Variants in ALDH3B2 observed in about 807,000 individuals in gnomAD.
ALDH3B2 encodes aldehyde dehydrogenase 3 family member B2, also known as aldehyde dehydrogenase family 3 member B2.
Under a neutral mutation model 36.7 loss-of-function variants are expected in ALDH3B2, and 45 were observed. That is an observed-to-expected ratio of 1.23 (90% confidence interval 0.97 to 1.57). The LOEUF (loss-of-function observed/expected upper bound fraction) is 1.57, where lower values mean the gene tolerates loss of function less well. Ranked by LOEUF, ALDH3B2 falls within the 40% of genes most tolerant of loss-of-function variation. The pLI is 0.00. For missense variants in ALDH3B2, 464 were observed against 513.3 expected, an observed-to-expected ratio of 0.90 and a Z score of 0.93; for synonymous variants, 217 against 226.5, an observed-to-expected ratio of 0.96 and a Z score of 0.38.
intron 1 of ALDH3B2, chr11:67,673,649 G>A (rs1252194577): frequency 6.6e-6 from 1 of 152,278 alleles, no homozygotes; most frequent in Non-Finnish European, 1.5e-5. Flanking sequence ...CCTGGTGCAG[G>A]GCCCAGAAAG....
At chr11:67,663,835 C>T (rs889808829) in intron 8 of ALDH3B2, 74 bp from the exon 9 acceptor site, 32 of 1,323,234 alleles carry the variant, frequency 2.4e-5, no homozygotes, top group South Asian at 1.8e-4. Flanking sequence ...CATTCCACAG[C>T]GGAGGTGAGC....
Position 67,666,102 on chromosome 11 carries a change from C to A in ALDH3B2, c.319+20G>T. ...ATGATCCCCTCCACCTACTCTGGGA[C>A]CCTGGCCTGGCCCCCTCACCTGTGA... On this transcript the variant is annotated intron_variant, in intron 6 of 9. Transcript: ENST00000349015. 1.2e-6 allele frequency: 2 copies of A among 1,613,242 alleles called. No individual in the cohort carries two copies. Among genetic ancestry groups the A allele is most frequent in the African/African-American group, 1.3e-5 (1 of 75,012 alleles).
rs762432233 is a variant in ALDH3B2, at chr11:67,665,439, C to T, written c.552G>A (p.Gln184=). 2.4e-5 allele frequency: 38 copies of T among 1,613,950 alleles called. No individual in the cohort carries two copies. The Admixed American group carries it at 5.3e-4, about 23-fold the overall frequency. ...CGCCATAGAAACGGGTGATGGTGCT[C>T]TGCAGGGCGGGCAGCAGCCTCTCCT... Residue 184 remains glutamine (Q), a synonymous_variant, in exon 7 of 10, where the codon CAG becomes CAA. Coordinates refer to ENST00000349015, the Ensembl canonical transcript of ALDH3B2.
intron 1 of ALDH3B2, among the ~76,000 whole-genome samples, chr11:67,669,694 G>C (rs1856031610): frequency 6.6e-6 from 1 of 150,730 alleles, no homozygotes; most frequent in Non-Finnish European, 1.5e-5. Flanking sequence ...ATGGGTGTCT[G>C]TGTGTGTATG....
At chr11:67,666,170 C>T in exon 6 of ALDH3B2, 1 of 1,614,230 alleles carries the variant, frequency 6.2e-7, no homozygotes, top group Non-Finnish European at 8.5e-7. Context: ...TGCCCTGTCT[C>T]CTGGGGTCCG....
At chr11:67,663,161 C>T in exon 10 of ALDH3B2, 1 of 1,542,780 alleles carries the variant, frequency 6.5e-7, no homozygotes, top group Non-Finnish European at 8.8e-7. Context: ...GCATAAGCCC[C>T]TCATGGCTAG....
chr11:67,677,793 C>T (rs1016587361), upstream of ALDH3B2, among the ~76,000 whole-genome samples: 9 of 152,090 alleles, frequency 5.9e-5, no homozygotes, highest in African/African-American at 2.2e-4. Flanking sequence ...ATCAGTAGCT[C>T]TTCTATCCAC....
intron 1 of ALDH3B2, among the ~76,000 whole-genome samples, chr11:67,672,189 C>T (rs1260681557): frequency 6.9e-6 from 1 of 145,000 alleles, no homozygotes; most frequent in Non-Finnish European, 1.5e-5. Flanking sequence ...CTCTTGTTGC[C>T]CAGGCCAGAG....
intron 1 of ALDH3B2, among the ~76,000 whole-genome samples, chr11:67,680,254 C>A (rs981103233): frequency 1.3e-5 from 2 of 152,194 alleles, no homozygotes; most frequent in South Asian, 2.1e-4. Context: ...GTGGAGCTTG[C>A]AGTAAGCCGA....
intron 1 of ALDH3B2, among the ~76,000 whole-genome samples, chr11:67,672,851 A>G (rs1856164806): frequency 6.6e-6 from 1 of 151,950 alleles, no homozygotes; most frequent in Non-Finnish European, 1.5e-5. Flanking sequence ...TCAGCCTCCT[A>G]AAGTGCTGGG....
intron 1 of ALDH3B2, among the ~76,000 whole-genome samples, chr11:67,673,031 C>T (rs1053436131): frequency 4.7e-5 from 7 of 147,912 alleles, no homozygotes; most frequent in African/African-American, 1.7e-4. Context: ...CCCGGGTTCA[C>T]GTCATTCTCC....
chr11:67,662,323 A>G (rs143129510), exon 10 of ALDH3B2: 1 of 152,386 alleles, frequency 6.6e-6, no homozygotes, highest in Non-Finnish European at 1.5e-5. Context: ...GTAAGTCACA[A>G]GCTGATCGCA....
exon 10 of ALDH3B2, chr11:67,662,961 A>C: frequency 6.8e-5 from 34 of 497,560 alleles, no homozygotes; most frequent in East Asian, 1.8e-4. Context: ...AAGGGCTGGA[A>C]TTGGGGAGGG....
At chr11:67,666,735 C>T in intron 3 of ALDH3B2, 41 bp from the exon 4 acceptor site, 1 of 1,611,916 alleles carries the variant, frequency 6.2e-7, no homozygotes. Flanking sequence ...CCAAGGGCCA[C>T]CCCAAAGCCC....
At chr11:67,667,552 G>C in exon 2 of ALDH3B2, 1 of 382,632 alleles carries the variant, frequency 2.6e-6, no homozygotes, top group East Asian at 4.6e-5. Flanking sequence ...CTGGAGCTGC[G>C]CAGCCCGGAA....
chr11:67,663,248 C>T lies in ALDH3B2; in HGVS notation c.1125G>A (p.Trp375Ter), dbSNP rs1855795213. The change falls in exon 10 of 10, where the codon TGG becomes TGA. Residue 375 changes from tryptophan to a stop codon, truncating the protein, a stop_gained. Coordinates refer to ENST00000349015, the Ensembl canonical transcript of ALDH3B2. LOFTEE classifies it high-confidence loss of function. ...GGGTGCAGCTCTGGGAGCCCATGCC[C>T]CAGCGTAACAGCTGCTGGTTCCAGT... The T allele has an allele frequency of 6.2e-7, 1 of 1,612,996 alleles. No homozygotes were observed. The highest frequency in any genetic ancestry group is 1.1e-5 in the South Asian group (1 of 90,908).
upstream of ALDH3B2, among the ~76,000 whole-genome samples, chr11:67,676,532 AC>A (rs966407415): frequency 2.0e-5 from 3 of 151,924 alleles, no homozygotes; most frequent in Non-Finnish European, 2.9e-5. Flanking sequence ...ATCTAAGATC[AC>A]ACCTCAAGGA....
chr11:67,663,111 T>C (rs78330323), exon 10 of ALDH3B2: 2 of 1,360,684 alleles, frequency 1.5e-6, no homozygotes, highest in Admixed American at 2.2e-5. Flanking sequence ...AACCTGAGGC[T>C]GGGGGAACCT....
upstream of ALDH3B2, among the ~76,000 whole-genome samples, chr11:67,678,884 A>G (rs1401250991): frequency 6.6e-6 from 1 of 152,038 alleles, no homozygotes; most frequent in Non-Finnish European, 1.5e-5. Context: ...AATGATCTGG[A>G]TGAGATTGGA....
Sources: allele counts gnomAD v4.1 joint callset (sites outside exome capture counted in the v4.1 genomes callset), GRCh38; gene constraint gnomAD v4.1.1; transcripts MANE v1.5; gene names NCBI Gene and HGNC (gene_info 2026-07-23, HGNC 2026-07-21).